The following NRG3 variants were observed in gnomAD, a reference collection of about 807,000 sequenced individuals.
The protein encoded by NRG3 is pro-neuregulin-3, membrane-bound isoform.
In NRG3, 31 loss-of-function variants were observed where a neutral mutation model predicts 66.9. That is an observed-to-expected ratio of 0.46 (90% confidence interval 0.35 to 0.63). NRG3 has a LOEUF of 0.63. Ranked by LOEUF, NRG3 falls within the 20% of genes least tolerant of loss-of-function variation. The pLI is 0.00. For missense variants in NRG3, 910 were observed against 878.9 expected, an observed-to-expected ratio of 1.04 and a Z score of -0.45; for synonymous variants, 393 against 359.4, an observed-to-expected ratio of 1.09 and a Z score of -1.06.
At chr10:82,245,160 T>G (rs1466041566) in intron 1 of NRG3, among the ~76,000 whole-genome samples, 1 of 151,972 alleles carries the variant, frequency 6.6e-6, no homozygotes, top group Non-Finnish European at 1.5e-5. Flanking sequence ...AACTAGAGGG[T>G]TCCATCTGTG....
chr10:82,409,562 TG>T (rs1443465447), intron 2 of NRG3, among the ~76,000 whole-genome samples: 1 of 152,170 alleles, frequency 6.6e-6, no homozygotes, highest in Non-Finnish European at 1.5e-5. Flanking sequence ...GTCCATTATT[TG>T]TGCTGGATGC....
intron 3 of NRG3, among the ~76,000 whole-genome samples, chr10:82,786,646 A>T (rs757693892): frequency 3.9e-5 from 6 of 152,152 alleles, no homozygotes; most frequent in Non-Finnish European, 8.8e-5. Context: ...ACCAGTTAAG[A>T]CTAGGGTGAG....
intron 2 of NRG3, among the ~76,000 whole-genome samples, chr10:82,711,535 TTGTGTGTGTGTGTGTGTG>T (rs10603040): frequency 1.3e-5 from 2 of 148,288 alleles, no homozygotes; most frequent in East Asian, 4.0e-4. Context: ...ATCTGTGTGT[TTGTGTGTGTGTGTGTGTG>T]TGTGTGTGTG....
At chr10:82,384,977 A>G (rs569577402) in intron 2 of NRG3, among the ~76,000 whole-genome samples, 2 of 152,212 alleles carry the variant, frequency 1.3e-5, no homozygotes, top group East Asian at 3.9e-4. Context: ...ATTCTCCAGC[A>G]TCTGTTGTTT....
intron 1 of NRG3, among the ~76,000 whole-genome samples, chr10:81,896,653 T>G (rs1445281461): frequency 6.9e-6 from 1 of 144,546 alleles, no homozygotes. Flanking sequence ...AGGATGAGAA[T>G]CTAGGGCTTT....
intron 1 of NRG3, among the ~76,000 whole-genome samples, chr10:81,973,060 T>C (rs2059988416): frequency 6.6e-6 from 1 of 152,112 alleles, no homozygotes; most frequent in African/African-American, 2.4e-5. Context: ...TTCCTGATCC[T>C]CTCCCTCCTC....
intron 2 of NRG3, among the ~76,000 whole-genome samples, chr10:82,512,338 T>C (rs1845264034): frequency 6.6e-6 from 1 of 152,186 alleles, no homozygotes; most frequent in Admixed American, 6.5e-5. Flanking sequence ...CAGGCTGGAG[T>C]GCAGTGGTGT....
At chr10:81,940,984 A>G (rs986639499) in intron 1 of NRG3, among the ~76,000 whole-genome samples, 2 of 152,152 alleles carry the variant, frequency 1.3e-5, no homozygotes, top group Non-Finnish European at 2.9e-5. Context: ...AAGTTACAAT[A>G]GATATATAAT....
chr10:82,937,024 T>C (rs540487814), intron 4 of NRG3, among the ~76,000 whole-genome samples: 7 of 152,340 alleles, frequency 4.6e-5, no homozygotes, highest in Admixed American at 1.3e-4. Context: ...GTGACTATCA[T>C]TATTATGATT....
Position 82,362,548 on chromosome 10 carries a change from G to GTTTTTTTTTTTTTTTTT in NRG3, c.953+3685_953+3701dup, listed in dbSNP as rs10694679. On this transcript the variant is annotated intron_variant, in intron 2 of 8. Transcript: ENST00000372141. ...ACCACCATGCCCAGATAATTTCTGG[G>GTTTTTTTTTTTTTTTTT]TTTTTTTTTTTTTTTTTTTTTCGTA... Among the ~76,000 whole-genome samples the GTTTTTTTTTTTTTTTTT allele has an allele frequency of 6.6e-3, 546 of 83,150 alleles. 80 individuals are homozygous for GTTTTTTTTTTTTTTTTT. The highest frequency in any genetic ancestry group is 8.9e-3 in the Middle Eastern group (1 of 112). The allele number at this position is 83,150 out of a possible 152,430, so 54.5% of individuals were successfully genotyped here.
intron 1 of NRG3, among the ~76,000 whole-genome samples, chr10:82,028,186 A>G (rs192630991): frequency 3.3e-5 from 5 of 152,214 alleles, no homozygotes; most frequent in East Asian, 1.9e-4. Flanking sequence ...TGGAACTGCA[A>G]TGATTATCTT....
intron 1 of NRG3, among the ~76,000 whole-genome samples, chr10:82,282,406 T>C (rs113190448): frequency 3.3e-5 from 5 of 152,080 alleles, no homozygotes; most frequent in African/African-American, 1.2e-4. Flanking sequence ...ACTTCCTTTA[T>C]GCTAGTGTAG....
chr10:82,678,264 G>T (rs2053860080), intron 2 of NRG3, among the ~76,000 whole-genome samples: 1 of 152,152 alleles, frequency 6.6e-6, no homozygotes. Context: ...CTGGGTGCAG[G>T]CGGGTTGAGT....
chr10:82,522,754 C>A (rs1038317622), intron 2 of NRG3, among the ~76,000 whole-genome samples: 9 of 151,390 alleles, frequency 5.9e-5, no homozygotes, highest in Non-Finnish European at 1.0e-4. Flanking sequence ...ACATGGTTTC[C>A]TTTATTTCTA....
In NRG3 at chr10:82,017,366, C is replaced by T. The variant is rs146903432; in HGVS notation, c.823+141203C>T. Among the ~76,000 whole-genome samples, 161 of 152,292 alleles carry T rather than the reference C, an allele frequency of 1.1e-3. No homozygotes were observed. In the Middle Eastern group the frequency reaches 0.014, roughly 13 times the overall value. ...TTGGACATTTGGGTTGGTTCCAAGT[C>T]GTTGCTATTTTGAGTAGTGCCGCAA... On this transcript the variant is annotated intron_variant, in intron 1 of 8. Coordinates refer to ENST00000372141, the MANE Select transcript of NRG3 (RefSeq NM_001010848.4).
chr10:82,784,474 A>G (rs895737607), intron 3 of NRG3, among the ~76,000 whole-genome samples: 5 of 152,220 alleles, frequency 3.3e-5, no homozygotes, highest in African/African-American at 1.2e-4. Context: ...CAAAAGGCTA[A>G]TATCCAGAAT....
intron 2 of NRG3, among the ~76,000 whole-genome samples, chr10:82,387,447 C>T (rs2135925808): frequency 6.6e-6 from 1 of 152,284 alleles, no homozygotes; most frequent in South Asian, 2.1e-4. Flanking sequence ...GGACCATTTC[C>T]CCTGTCTTCC....
At chr10:82,795,371 G>A (rs2060757029) in intron 3 of NRG3, among the ~76,000 whole-genome samples, 1 of 152,132 alleles carries the variant, frequency 6.6e-6, no homozygotes, top group African/African-American at 2.4e-5. Context: ...GTGTTACAGA[G>A]CTAATGTCTT....
intron 2 of NRG3, among the ~76,000 whole-genome samples, chr10:82,537,427 T>C (rs1177564746): frequency 6.6e-6 from 1 of 152,106 alleles, no homozygotes; most frequent in Non-Finnish European, 1.5e-5. Flanking sequence ...TTTGTTTTTA[T>C]TGAGTTGTAA....
Sources: allele counts gnomAD v4.1 joint callset (sites outside exome capture counted in the v4.1 genomes callset), GRCh38; gene constraint gnomAD v4.1.1; transcripts MANE v1.5; gene names NCBI Gene and HGNC (gene_info 2026-07-23, HGNC 2026-07-21).